The following RCAN2 variants were observed in gnomAD, a reference collection of about 807,000 sequenced individuals.
RCAN2 encodes calcipressin-2.
RCAN2 carries 9 observed loss-of-function variants against 23.6 expected under a neutral mutation model. The ratio of observed to expected loss-of-function variants is 0.38; its 90% CI spans 0.23 to 0.67. The LOEUF is 0.67. RCAN2 is among the 30% of genes least tolerant of loss of function. RCAN2 has a pLI of 0.51. For synonymous variants in RCAN2, 109 were observed against 115.7 expected, an observed-to-expected ratio of 0.94 and a Z score of 0.37; for missense variants, 273 against 302.3, an observed-to-expected ratio of 0.90 and a Z score of 0.72.
intron 4 of RCAN2, among the ~76,000 whole-genome samples, chr6:46,224,657 TCA>T: frequency 6.6e-6 from 1 of 152,322 alleles, no homozygotes; most frequent in South Asian, 2.1e-4. Context: ...TCTGCTATTC[TCA>T]GTCTAAGTGC....
At chr6:46,332,770 T>C (rs1282575287) in intron 2 of RCAN2, among the ~76,000 whole-genome samples, 1 of 152,102 alleles carries the variant, frequency 6.6e-6, no homozygotes, top group Non-Finnish European at 1.5e-5. Flanking sequence ...AATAAACATA[T>C]GTGTGCATGT....
intron 1 of RCAN2, among the ~76,000 whole-genome samples, chr6:46,458,212 T>C (rs1768102244): frequency 6.6e-6 from 1 of 152,244 alleles, no homozygotes; most frequent in Admixed American, 6.5e-5. Flanking sequence ...TCTGCTCTCA[T>C]GAAGTTTAGC....
intron 1 of RCAN2, among the ~76,000 whole-genome samples, chr6:46,484,770 T>G (rs1409418254): frequency 6.6e-6 from 1 of 152,156 alleles, no homozygotes; most frequent in African/African-American, 2.4e-5. Context: ...CAAACACTCA[T>G]GTATGCTGAA....
rs1307721697 is a variant in RCAN2, at chr6:46,491,411, C to T, written c.-241G>A. On this transcript the variant is annotated 5_prime_UTR_variant, in exon 1 of 5. Transcript: ENST00000371374. ...ATTCTGCCTGCTGCCCGCTCCTCCC[C>T]GCAACCTCCGCCGCCGTCACCCGGG... 1.3e-5 allele frequency: 2 copies of T among 152,416 alleles called. No individual in the cohort carries two copies. Among genetic ancestry groups the T allele is most frequent in the Admixed American group, 6.5e-5 (1 of 15,298 alleles). 9.4% of individuals were successfully genotyped at this position (152,416 alleles called of 1,614,324 possible).
chr6:46,410,708 C>T (rs1008734955), intron 2 of RCAN2, among the ~76,000 whole-genome samples: 1 of 152,134 alleles, frequency 6.6e-6, no homozygotes, highest in African/African-American at 2.4e-5. Flanking sequence ...AGGAAATATG[C>T]TTTTCTTATT....
intron 1 of RCAN2, among the ~76,000 whole-genome samples, chr6:46,476,521 C>T (rs995191843): frequency 1.3e-5 from 2 of 152,170 alleles, no homozygotes; most frequent in Non-Finnish European, 1.5e-5. Flanking sequence ...GGTGCCAGCC[C>T]TCTTAGATAG....
intron 4 of RCAN2, among the ~76,000 whole-genome samples, chr6:46,227,290 T>C (rs2150304490): frequency 6.6e-6 from 1 of 152,374 alleles, no homozygotes; most frequent in South Asian, 2.1e-4. Context: ...ATCAGGATGA[T>C]GCTGGCCTCA....
intron 2 of RCAN2, among the ~76,000 whole-genome samples, chr6:46,312,998 A>T (rs1027287607): frequency 3.3e-5 from 5 of 151,928 alleles, no homozygotes; most frequent in Non-Finnish European, 7.4e-5. Flanking sequence ...TAAGACCCAA[A>T]CTCCTTCATA....
chr6:46,471,624 C>G (rs1768560200), intron 1 of RCAN2, among the ~76,000 whole-genome samples: 1 of 152,084 alleles, frequency 6.6e-6, no homozygotes, highest in African/African-American at 2.4e-5. Flanking sequence ...TATTATTCAT[C>G]TAAGTAATGA....
chr6:46,232,899 G>A (rs1399382834), intron 4 of RCAN2, among the ~76,000 whole-genome samples: 5 of 151,990 alleles, frequency 3.3e-5, no homozygotes, highest in Non-Finnish European at 1.5e-5. Flanking sequence ...GCTTCTCAGT[G>A]CTTCTGTGTT....
At chr6:46,399,940 G>T (rs1261350687) in intron 2 of RCAN2, among the ~76,000 whole-genome samples, 2 of 152,178 alleles carry the variant, frequency 1.3e-5, no homozygotes, top group Non-Finnish European at 2.9e-5. Context: ...CCACTAAGCT[G>T]TAAAGTGAAC....
intron 1 of RCAN2, among the ~76,000 whole-genome samples, chr6:46,483,215 T>C (rs1561923622): frequency 6.6e-6 from 1 of 152,204 alleles, no homozygotes; most frequent in Admixed American, 6.5e-5. Flanking sequence ...CTCAGCAGTT[T>C]TCACACAGCC....
At chr6:46,480,933 T>C (rs1285351021) in intron 1 of RCAN2, among the ~76,000 whole-genome samples, 1 of 152,216 alleles carries the variant, frequency 6.6e-6, no homozygotes, top group Non-Finnish European at 1.5e-5. Flanking sequence ...CTTGTTTTTA[T>C]AGTTAATAAT....
chr6:46,321,152 C>T (rs1763601106), intron 2 of RCAN2, among the ~76,000 whole-genome samples: 1 of 152,202 alleles, frequency 6.6e-6, no homozygotes, highest in South Asian at 2.1e-4. Flanking sequence ...TAAACTGTCA[C>T]TTCCCCAGAG....
intron 2 of RCAN2, among the ~76,000 whole-genome samples, chr6:46,367,674 A>G (rs1370172178): frequency 2.0e-5 from 3 of 152,228 alleles, no homozygotes; most frequent in African/African-American, 7.2e-5. Flanking sequence ...AACTAAGCAT[A>G]GGGATTTTTC....
chr6:46,438,666 A>G (rs1203029406), intron 2 of RCAN2: 2 of 152,204 alleles, frequency 1.3e-5, no homozygotes, highest in Non-Finnish European at 2.9e-5. Flanking sequence ...AAAATATTCC[A>G]GAGCCTTCAC....
chr6:46,442,592 T>C (rs1767581591), intron 2 of RCAN2, among the ~76,000 whole-genome samples: 1 of 152,250 alleles, frequency 6.6e-6, no homozygotes, highest in Non-Finnish European at 1.5e-5. Context: ...GTACTCATTT[T>C]TGCAAATAGG....
At chr6:46,289,814 G>A (rs1405743922) in intron 2 of RCAN2, among the ~76,000 whole-genome samples, 1 of 152,076 alleles carries the variant, frequency 6.6e-6, no homozygotes, top group East Asian at 1.9e-4. Flanking sequence ...GTTTTACCAG[G>A]GAACACAGCT....
chr6:46,316,253 TTCTG>T (rs1763434180), intron 2 of RCAN2, among the ~76,000 whole-genome samples: 1 of 152,246 alleles, frequency 6.6e-6, no homozygotes. Flanking sequence ...CTTGCATGTG[TTCTG>T]TCTGCCAGTC....
Sources: gnomAD v4.1 joint callset for allele counts (sites outside exome capture counted in the v4.1 genomes callset) on GRCh38, gnomAD v4.1.1 for gene constraint, MANE v1.5 for transcripts, NCBI Gene and HGNC (gene_info 2026-07-23, HGNC 2026-07-21) for gene names.